Variants in EPHB1 observed in about 807,000 individuals in gnomAD.
EPHB1 encodes the protein EPH receptor B1.
A neutral mutation model predicts 94.4 loss-of-function variants in EPHB1; 30 were observed. The ratio of observed to expected loss-of-function variants is 0.32; its 90% CI spans 0.24 to 0.43. The LOEUF (loss-of-function observed/expected upper bound fraction) is 0.43, where lower values mean the gene tolerates loss of function less well. Among genes scored for constraint, EPHB1 ranks in the 20% least tolerant of loss-of-function variants. The probability of loss-of-function intolerance (pLI) is 1.00; values close to 1 mark genes in which losing one functional copy is unlikely to be tolerated. For synonymous variants in EPHB1, 522 were observed against 489.1 expected (o/e 1.07, Z -0.89); for missense variants, 1,055 against 1,308.3 (o/e 0.81, Z 2.99).
intron 3 of EPHB1, among the ~76,000 whole-genome samples, chr3:135,022,195 C>T (rs1936008773): frequency 6.6e-6 from 1 of 152,208 alleles, no homozygotes; most frequent in Non-Finnish European, 1.5e-5. Flanking sequence ...TGGTCTCGAT[C>T]TCCTGACCTT....
rs35095229 is a variant in EPHB1, at chr3:135,155,787, C to CAAA, written c.1422+1532_1422+1534dup. 8.6e-4 allele frequency among the ~76,000 whole-genome samples: 51 copies of CAAA among 59,370 alleles called. 2 individuals are homozygous for CAAA. The highest frequency in any genetic ancestry group is 2.2e-3 in the African/African-American group (35 of 15,766). 38.9% of individuals were successfully genotyped at this position (59,370 alleles called of 152,430 possible). A position where few individuals can be genotyped will look rare whatever the true frequency, so the allele number is the denominator to read the frequency against. The stretch of plus-strand genomic sequence containing the variant: ...TGTGGGTGACAGAGCAAGACTTTGT[C>CAAA]AAAAAAAAAAAAAAAAAAAAAAAGA... On this transcript the variant is annotated intron_variant, in intron 6 of 15. Coordinates refer to ENST00000398015, the MANE Select transcript of EPHB1 (RefSeq NM_004441.5).
At chr3:134,879,997 G>A (rs2037695691) in intron 1 of EPHB1, among the ~76,000 whole-genome samples, 1 of 152,200 alleles carries the variant, frequency 6.6e-6, no homozygotes, top group African/African-American at 2.4e-5. Context: ...CTGGGCTCCA[G>A]TTGTTTTATT....
intron 1 of EPHB1, among the ~76,000 whole-genome samples, chr3:134,900,369 G>A (rs1239888048): frequency 6.6e-6 from 1 of 152,132 alleles, no homozygotes; most frequent in Non-Finnish European, 1.5e-5. Flanking sequence ...GCTGAATAGA[G>A]ATAACCTAAA....
At position 134,795,561 on chromosome 3, in the gene EPHB1, G is replaced by A. The variant is rs2035805661; in HGVS notation, c.-71G>A. 1.4e-6 allele frequency: 2 copies of A among 1,466,324 alleles called. No homozygotes were observed. The highest frequency in any genetic ancestry group is 2.4e-5 in the East Asian group (1 of 41,270). 90.8% of individuals were successfully genotyped at this position (1,466,324 alleles called of 1,614,324 possible). On this transcript the variant is annotated 5_prime_UTR_variant, in exon 1 of 16. Transcript: ENST00000398015. ...AGCCACCCGCGGAGAGCGCAGCGGC[G>A]CCCTGGGACGCGGCGCTCTCCCGGC...
intron 12 of EPHB1, among the ~76,000 whole-genome samples, chr3:135,223,772 T>C (rs1473137201): frequency 1.3e-5 from 2 of 152,238 alleles, no homozygotes; most frequent in African/African-American, 4.8e-5. Context: ...TTAAAAACTT[T>C]ATTTGAATAA....
chr3:135,255,049 G>T (rs898283056), intron 15 of EPHB1, among the ~76,000 whole-genome samples: 25 of 152,266 alleles, frequency 1.6e-4, no homozygotes, highest in Middle Eastern at 3.4e-3. Context: ...ATTTCTGTGG[G>T]ATCGGTGGTG....
chr3:135,021,408 C>A (rs1467507909), intron 3 of EPHB1, among the ~76,000 whole-genome samples: 1 of 151,834 alleles, frequency 6.6e-6, no homozygotes, highest in African/African-American at 2.4e-5. Context: ...CAATTTAGGG[C>A]CTTCCCGATG....
chr3:135,197,697 A>G (rs1407684703), intron 11 of EPHB1, among the ~76,000 whole-genome samples: 1 of 152,226 alleles, frequency 6.6e-6, no homozygotes, highest in Non-Finnish European at 1.5e-5. Context: ...AAAGCACTTC[A>G]TGAAGGGAGG....
intron 1 of EPHB1, among the ~76,000 whole-genome samples, chr3:134,877,000 C>T (rs2037629961): frequency 6.6e-6 from 1 of 152,184 alleles, no homozygotes; most frequent in Admixed American, 6.5e-5. Flanking sequence ...CTACCACACG[C>T]CCCAGGTCCT....
chr3:134,953,517 G>T (rs1000346568), intron 3 of EPHB1, among the ~76,000 whole-genome samples: 4 of 152,208 alleles, frequency 2.6e-5, no homozygotes, highest in African/African-American at 9.6e-5. Context: ...GGTTGGGATG[G>T]GTCACTATCT....
intron 3 of EPHB1, among the ~76,000 whole-genome samples, chr3:135,073,011 A>G (rs928168830): frequency 2.0e-5 from 3 of 152,068 alleles, no homozygotes; most frequent in Non-Finnish European, 4.4e-5. Flanking sequence ...CCAAGTAAAT[A>G]TTTGTTTAAT....
chr3:135,034,053 T>C (rs1004872589), intron 3 of EPHB1, among the ~76,000 whole-genome samples: 51 of 152,196 alleles, frequency 3.4e-4, no homozygotes, highest in Non-Finnish European at 4.4e-5. Flanking sequence ...TTCTCTTTTT[T>C]TTTTAAACTC....
At chr3:135,248,989 T>C (rs1932939650) in intron 14 of EPHB1, among the ~76,000 whole-genome samples, 2 of 152,106 alleles carry the variant, frequency 1.3e-5, no homozygotes, top group African/African-American at 4.8e-5. Flanking sequence ...TGATAAAATA[T>C]GCATATTTTT....
intron 3 of EPHB1, among the ~76,000 whole-genome samples, chr3:135,072,210 A>G (rs2107782334): frequency 6.6e-6 from 1 of 152,168 alleles, no homozygotes; most frequent in East Asian, 1.9e-4. Flanking sequence ...GTGAAACCCC[A>G]TCTCTACTAA....
intron 5 of EPHB1, 29 bp downstream of exon 5, chr3:135,133,078 T>G (rs1334212554): frequency 1.3e-6 from 2 of 1,544,842 alleles, no homozygotes; most frequent in Non-Finnish European, 1.8e-6. Context: ...GTGCTCCTGT[T>G]TGGATGTGTG....
At chr3:134,929,922 G>A (rs185441445) in intron 2 of EPHB1, among the ~76,000 whole-genome samples, 95 of 152,270 alleles carry the variant, frequency 6.2e-4, no homozygotes, top group Non-Finnish European at 2.6e-4. Context: ...AGAGAGAGAT[G>A]GACTGTCAGC....
At chr3:134,921,250 G>A (rs2038680159) in intron 1 of EPHB1, among the ~76,000 whole-genome samples, 1 of 152,052 alleles carries the variant, frequency 6.6e-6, no homozygotes, top group Admixed American at 6.5e-5. Context: ...GCTTTTAGGA[G>A]TCACTCTCCC....
chr3:134,824,125 C>CTTTTTTTTTTTTTT (rs373504139), intron 1 of EPHB1, among the ~76,000 whole-genome samples: 2 of 100,756 alleles, frequency 2.0e-5, no homozygotes, highest in Admixed American at 1.2e-4. Flanking sequence ...GGATAATGCC[C>CTTTTTTTTTTTTTT]TTTTTTTTTT....
chr3:135,118,185 A>G (rs887655662), intron 4 of EPHB1, among the ~76,000 whole-genome samples: 8 of 152,182 alleles, frequency 5.3e-5, no homozygotes, highest in Non-Finnish European at 1.2e-4. Context: ...AGCCGTGCCC[A>G]TACCCACACC....
Sources: gnomAD v4.1 joint callset for allele counts (sites outside exome capture counted in the v4.1 genomes callset) on GRCh38, gnomAD v4.1.1 for gene constraint, MANE v1.5 for transcripts, NCBI Gene and HGNC (gene_info 2026-07-23, HGNC 2026-07-21) for gene names.